The following CERS3 variants were observed in gnomAD, a reference collection of about 807,000 sequenced individuals.
CERS3 encodes the protein ceramide synthase 3.
CERS3 carries 33 observed loss-of-function variants against 50.3 expected under a neutral mutation model. The observed-to-expected ratio is 0.66, with a 90% CI of 0.50 to 0.88. The LOEUF (loss-of-function observed/expected upper bound fraction) is 0.88, where lower values mean the gene tolerates loss of function less well. CERS3 is among the 40% of genes least tolerant of loss of function. The pLI, the probability that CERS3 is intolerant of heterozygous loss-of-function variation, is 0.00. For synonymous variants in CERS3, 176 were observed against 155.2 expected (o/e 1.13, Z -0.99); for missense variants, 470 against 460.3 (o/e 1.02, Z -0.19).
At chr15:100,521,478 A>G (rs2036637710) in intron 2 of CERS3, among the ~76,000 whole-genome samples, 189 bp downstream of exon 2, 1 of 152,216 alleles carries the variant, frequency 6.6e-6, no homozygotes, top group African/African-American at 2.4e-5. Flanking sequence ...CGCTTTCAAA[A>G]GGAAAGAATA....
intron 2 of CERS3, among the ~76,000 whole-genome samples, chr15:100,504,289 G>C (rs1318678855): frequency 6.8e-6 from 1 of 146,248 alleles, no homozygotes; most frequent in East Asian, 2.0e-4. Flanking sequence ...TGTTGCCCAG[G>C]CTGGAGTGCA....
At chr15:100,509,569 G>T (rs1406721850) in intron 2 of CERS3, among the ~76,000 whole-genome samples, 1 of 152,188 alleles carries the variant, frequency 6.6e-6, no homozygotes, top group Non-Finnish European at 1.5e-5. Flanking sequence ...GTATTTTTCT[G>T]ACTGACAAAG....
At chr15:100,523,660 C>T (rs992304366) in intron 1 of CERS3, among the ~76,000 whole-genome samples, 4 of 144,520 alleles carry the variant, frequency 2.8e-5, no homozygotes, top group Non-Finnish European at 4.5e-5. Context: ...GAGATTGCAC[C>T]ACTGCACTCC....
chr15:100,482,463 C>A (rs937002653), intron 5 of CERS3, among the ~76,000 whole-genome samples: 6 of 152,112 alleles, frequency 3.9e-5, no homozygotes, highest in Admixed American at 6.5e-5. Flanking sequence ...GCCGCATCCA[C>A]CCAGCCGGGG....
rs578190447 is a variant in CERS3, at chr15:100,471,319, T to C, written c.738+1605A>G. On this transcript the variant is annotated intron_variant, in intron 9 of 11. Coordinates refer to ENST00000679737, the MANE Select transcript of CERS3 (RefSeq NM_001378789.1). The stretch of plus-strand genomic sequence containing the variant: ...CATCACATACCCCAATGGACAGATA[T>C]GAATTCTCATGTTACAGCTGGGGCT... 1.6e-3 allele frequency among the ~76,000 whole-genome samples: 237 copies of C among 152,192 alleles called. 1 individual carries two copies. Among genetic ancestry groups the C allele is most frequent in the Admixed American group, 4.4e-3 (67 of 15,286 alleles).
At chr15:100,533,284 C>A (rs968067125), upstream of CERS3, among the ~76,000 whole-genome samples, 1 of 152,184 alleles carries the variant, frequency 6.6e-6, no homozygotes, top group African/African-American at 2.4e-5. Flanking sequence ...ATCTGCCTCT[C>A]CCCCACGTAA....
intron 2 of CERS3, among the ~76,000 whole-genome samples, chr15:100,507,127 C>T (rs759321793): frequency 2.0e-5 from 3 of 151,766 alleles, no homozygotes; most frequent in Admixed American, 6.6e-5. Context: ...CCACGAACCC[C>T]GAAAAATAAA....
chr15:100,480,043 C>G lies in CERS3; in HGVS notation c.411G>C (p.Trp137Cys). The stretch of plus-strand genomic sequence containing the variant: ...TGATCATTAAGTAAAATGCAAATCT[C>G]CAGCTGCCAAAAGAAAGAAAAATCT... Reference protein sequence around the residue: ...SRLKKFQEACWRFAFYLMITV... With the variant: ...SRLKKFQEACCRFAFYLMITV... Residue 137 changes from tryptophan (W) to cysteine (C), a missense_variant, in exon 6 of 12, where the codon TGG becomes TGC. Trp to Cys is a radical substitution (Grantham distance 215). Transcript: ENST00000679737. 1.2e-6 allele frequency: 2 copies of G among 1,610,514 alleles called. No homozygotes were observed. Among genetic ancestry groups the G allele is most frequent in the Non-Finnish European group, 1.7e-6 (2 of 1,178,354 alleles).
chr15:100,516,558 C>T (rs906547472), intron 2 of CERS3, among the ~76,000 whole-genome samples: 2 of 152,166 alleles, frequency 1.3e-5, no homozygotes, highest in African/African-American at 4.8e-5. Flanking sequence ...TCGTCACCTA[C>T]TGGGTACAGG....
intron 11 of CERS3, among the ~76,000 whole-genome samples, chr15:100,413,414 C>T (rs1293321773): frequency 3.3e-5 from 5 of 152,038 alleles, no homozygotes; most frequent in African/African-American, 7.2e-5. Context: ...GCTCAAATAA[C>T]TCATATGCAC....
intron 2 of CERS3, among the ~76,000 whole-genome samples, chr15:100,507,256 G>T (rs1046916746): frequency 6.6e-6 from 1 of 152,192 alleles, no homozygotes; most frequent in Admixed American, 6.5e-5. Context: ...CTGAAGAAGT[G>T]TCTCTCCCAG....
At chr15:100,441,034 A>T (rs1394137487) in intron 11 of CERS3, among the ~76,000 whole-genome samples, 1 of 152,152 alleles carries the variant, frequency 6.6e-6, no homozygotes, top group East Asian at 1.9e-4. Flanking sequence ...CCACGCAGGG[A>T]TGCCTGCCTT....
chr15:100,404,588 T>C (rs2142041380), intron 11 of CERS3, among the ~76,000 whole-genome samples: 1 of 152,294 alleles, frequency 6.6e-6, no homozygotes, highest in South Asian at 2.1e-4. Flanking sequence ...CTAATCAATG[T>C]CCCAGCAGAA....
At chr15:100,541,084 T>C (rs1204863153) in intron 1 of CERS3, among the ~76,000 whole-genome samples, 2 of 152,218 alleles carry the variant, frequency 1.3e-5, no homozygotes, top group African/African-American at 2.4e-5. Context: ...CATCCCTGAA[T>C]GCCAGCAGAC....
intron 1 of CERS3, among the ~76,000 whole-genome samples, chr15:100,540,418 C>T (rs1208786078): frequency 6.6e-6 from 1 of 152,128 alleles, no homozygotes; most frequent in East Asian, 1.9e-4. Flanking sequence ...GTGACAGGCG[C>T]CCGTAATCCC....
chr15:100,491,948 A>G (rs149607149), intron 3 of CERS3, among the ~76,000 whole-genome samples: 2 of 150,052 alleles, frequency 1.3e-5, no homozygotes, highest in Non-Finnish European at 3.0e-5. Flanking sequence ...CTGGTCTCCA[A>G]CTCCTAGTCT....
At chr15:100,509,140 G>A (rs891662814) in intron 2 of CERS3, among the ~76,000 whole-genome samples, 2 of 152,094 alleles carry the variant, frequency 1.3e-5, no homozygotes, top group Admixed American at 6.6e-5. Flanking sequence ...GGGGTTCACG[G>A]TCATTCTTTT....
At chr15:100,417,445 C>T (rs1181238285) in intron 11 of CERS3, among the ~76,000 whole-genome samples, 4 of 152,054 alleles carry the variant, frequency 2.6e-5, no homozygotes, top group Non-Finnish European at 4.4e-5. Context: ...CACGGAGTCT[C>T]GCTGATTGCT....
intron 2 of CERS3, among the ~76,000 whole-genome samples, chr15:100,512,835 A>G (rs1185452717): frequency 6.6e-6 from 1 of 151,924 alleles, no homozygotes; most frequent in African/African-American, 2.4e-5. Context: ...CCCTCCTAAC[A>G]CTGTTGGTAG....
Sources: allele counts gnomAD v4.1 joint callset (sites outside exome capture counted in the v4.1 genomes callset), GRCh38; gene constraint gnomAD v4.1.1; transcripts MANE v1.5; gene names NCBI Gene and HGNC (gene_info 2026-07-23, HGNC 2026-07-21).